ADAM28: variants seen among roughly 807,000 people sequenced by gnomAD.
ADAM28 encodes the protein disintegrin and metalloproteinase domain-containing protein 28.
A neutral mutation model predicts 101.2 loss-of-function variants in ADAM28; 105 were observed. That is an observed-to-expected ratio of 1.04 (90% CI 0.89 to 1.22). ADAM28 has a LOEUF of 1.22. Ranked by LOEUF, ADAM28 falls within the 50% of genes most tolerant of loss-of-function variation. The pLI, the probability that ADAM28 is intolerant of heterozygous loss-of-function variation, is 0.00. For synonymous variants in ADAM28, 322 were observed against 310.6 expected (o/e 1.04, Z -0.39); for missense variants, 1,028 against 945.4 (o/e 1.09, Z -1.15).
intron 21 of ADAM28, among the ~76,000 whole-genome samples, chr8:24,353,326 T>C (rs1177263738): frequency 2.0e-5 from 3 of 152,096 alleles, no homozygotes; most frequent in Non-Finnish European, 4.4e-5. Flanking sequence ...CAGGTGCTCA[T>C]GAAGTAAGAA....
rs180788241 is a variant in ADAM28 at position 24,304,487 on chromosome 8, G to C, written c.150+4410G>C. Among the ~76,000 whole-genome samples, 120 of 152,064 alleles carry C rather than the reference G, an allele frequency of 7.9e-4. 2 individuals carry two copies. Among genetic ancestry groups the C allele is most frequent in the African/African-American group, 2.8e-3 (118 of 41,480 alleles). On this transcript the variant is annotated intron_variant, in intron 2 of 22. Transcript: ENST00000265769. ...ACCTTACGTTTCTTGTCTTAAAGTGGAGATGATCATAATACTTGTATAAAT... is the reference window on the plus strand; with the variant it reads ...ACCTTACGTTTCTTGTCTTAAAGTGCAGATGATCATAATACTTGTATAAAT...
chr8:24,350,854 G>C (rs1215151045), intron 19 of ADAM28, among the ~76,000 whole-genome samples: 1 of 97,472 alleles, frequency 1.0e-5, no homozygotes, highest in African/African-American at 3.9e-5. Context: ...CGTGATTCTG[G>C]CACAACGGTG....
At chr8:24,336,593 A>G (rs947124849) in intron 14 of ADAM28, among the ~76,000 whole-genome samples, 3 of 136,624 alleles carry the variant, frequency 2.2e-5, no homozygotes, top group South Asian at 2.1e-4. Context: ...AAAAAAAAAA[A>G]AAAAAAGAAA....
intron 13 of ADAM28, among the ~76,000 whole-genome samples, chr8:24,335,139 C>T (rs1291590036): frequency 6.6e-6 from 1 of 151,904 alleles, no homozygotes; most frequent in Non-Finnish European, 1.5e-5. Flanking sequence ...AGAAATAACT[C>T]CCTTCTTTTT....
intron 18 of ADAM28, among the ~76,000 whole-genome samples, chr8:24,344,962 AT>A (rs1448232880): frequency 1.3e-5 from 2 of 151,748 alleles, no homozygotes; most frequent in African/African-American, 2.4e-5. Context: ...GTTTGATTGA[AT>A]TTGATTTTTT....
At chr8:24,353,240 G>A (rs4543546) in intron 21 of ADAM28, among the ~76,000 whole-genome samples, 149,039 of 152,180 alleles carry the variant, frequency 0.98, 73,034 homozygotes, top group East Asian at 1. Context: ...TTTACTTTAT[G>A]TATATTAGTC....
At position 24,355,392 on chromosome 8, in the gene ADAM28, C is replaced by CCTATCTAT. The variant is rs111528726; in HGVS notation, c.*995_*996insTCTATCTA. On this transcript the variant is annotated 3_prime_UTR_variant, in exon 23 of 23. Transcript: ENST00000265769. ...CCTGCCCACTTCTAGGAAAGAATAT[C>CCTATCTAT]CTATCTAATCTATCTATCTCAGGGA... 6 of 151,900 alleles carry CCTATCTAT rather than the reference C, an allele frequency of 3.9e-5. No individual in the cohort carries two copies. The highest frequency in any genetic ancestry group is 9.7e-5 in the African/African-American group (4 of 41,330). 9.4% of individuals were successfully genotyped at this position (151,900 alleles called of 1,614,324 possible).
rs1809730994 is a variant in ADAM28, at chr8:24,306,615, C to T, written c.151-3279C>T. ...GCCCAGTTAAATTTCAAATAAACAACAAATATTTCATTAGTATGTCACCAT... is the reference window on the plus strand; with the variant it reads ...GCCCAGTTAAATTTCAAATAAACAATAAATATTTCATTAGTATGTCACCAT... On this transcript the variant is annotated intron_variant, in intron 2 of 22. Coordinates refer to ENST00000265769, the MANE Select transcript of ADAM28 (RefSeq NM_014265.6). Among the ~76,000 whole-genome samples the T allele has an allele frequency of 4.0e-5, 6 of 151,742 alleles. No homozygotes were observed. In the South Asian group the frequency reaches 8.3e-4, roughly 21 times the overall value.
chr8:24,311,134 A>G (rs115601561), intron 4 of ADAM28, among the ~76,000 whole-genome samples: 2,080 of 152,316 alleles, frequency 0.014, 45 homozygotes, highest in African/African-American at 0.048. Flanking sequence ...TACTTAGTCA[A>G]CATTGACAGT....
intron 13 of ADAM28, among the ~76,000 whole-genome samples, chr8:24,334,196 G>A (rs1228978797): frequency 6.6e-6 from 1 of 152,166 alleles, no homozygotes; most frequent in Non-Finnish European, 1.5e-5. Flanking sequence ...AAAATATAAT[G>A]TGTGATTCAA....
At chr8:24,298,492 G>C (rs530387792) in intron 1 of ADAM28, among the ~76,000 whole-genome samples, 78 of 152,108 alleles carry the variant, frequency 5.1e-4, no homozygotes, top group Non-Finnish European at 9.0e-4. Flanking sequence ...TGCTCTGTGG[G>C]AAGTGACTGG....
At chr8:24,342,895 C>A (rs1293585101) in intron 16 of ADAM28, 35 of 799,478 alleles carry the variant, frequency 4.4e-5, no homozygotes, top group East Asian at 6.0e-5. Context: ...TACATAAATT[C>A]TTAGATAGAC....
chr8:24,295,878 C>T (rs1027380371), intron 1 of ADAM28: 6 of 152,230 alleles, frequency 3.9e-5, no homozygotes, highest in Non-Finnish European at 7.3e-5. Context: ...ATTTTCATTT[C>T]CCAGTTCTTC....
At chr8:24,321,025 T>C (rs1811799433) in intron 7 of ADAM28, among the ~76,000 whole-genome samples, 193 bp from the exon 8 acceptor site, 1 of 151,918 alleles carries the variant, frequency 6.6e-6, no homozygotes, top group Non-Finnish European at 1.5e-5. Flanking sequence ...AGAGAAAACA[T>C]CATATTCACT....
At chr8:24,321,005 G>T (rs1319646687) in intron 7 of ADAM28, among the ~76,000 whole-genome samples, 1 of 151,860 alleles carries the variant, frequency 6.6e-6, no homozygotes, top group Admixed American at 6.6e-5. Context: ...TACTGAGCTA[G>T]TACTTCAGAA....
intron 9 of ADAM28, among the ~76,000 whole-genome samples, 155 bp downstream of exon 9, chr8:24,324,158 AT>A (rs752567900): frequency 3.3e-5 from 5 of 151,668 alleles, no homozygotes; most frequent in Non-Finnish European, 7.4e-5. Context: ...GGATCCAAGT[AT>A]TTTTTTTAAA....
chr8:24,297,166 TTTG>T (rs151294062), intron 1 of ADAM28, among the ~76,000 whole-genome samples: 9,984 of 151,706 alleles, frequency 0.066, 537 homozygotes, highest in African/African-American at 0.15. Context: ...TGGGTTTTTT[TTTG>T]TTGTTGTTGT....
intron 1 of ADAM28, among the ~76,000 whole-genome samples, chr8:24,294,550 G>T (rs1008982888): frequency 9.9e-5 from 15 of 152,188 alleles, no homozygotes; most frequent in African/African-American, 3.4e-4. Context: ...GAATGGTAAA[G>T]ATGTGGCAGA....
intron 6 of ADAM28, among the ~76,000 whole-genome samples, chr8:24,313,942 A>G (rs930648939): frequency 6.6e-6 from 1 of 152,124 alleles, no homozygotes; most frequent in South Asian, 2.1e-4. Context: ...TTTTTAGTAG[A>G]GACAGGGTTT....
Sources: allele counts gnomAD v4.1 joint callset (sites outside exome capture counted in the v4.1 genomes callset), GRCh38; gene constraint gnomAD v4.1.1; transcripts MANE v1.5; gene names NCBI Gene and HGNC (gene_info 2026-07-23, HGNC 2026-07-21).